PSMC2: variants seen among roughly 807,000 people sequenced by gnomAD.
PSMC2 encodes the protein proteasome 26S subunit, ATPase 2, also known as 26S proteasome regulatory subunit 7.
In PSMC2, 7 loss-of-function variants were observed where a neutral mutation model predicts 53.3. The ratio of observed to expected loss-of-function variants is 0.13; its 90% CI spans 0.07 to 0.25. The LOEUF is 0.25. Ranked by LOEUF, PSMC2 falls within the 10% of genes least tolerant of loss-of-function variation. PSMC2 has a pLI of 1.00. For missense variants in PSMC2, 241 were observed against 544.0 expected (o/e 0.44, Z 5.54); for synonymous variants, 169 against 183.9 (o/e 0.92, Z 0.66).
intron 4 of PSMC2, among the ~76,000 whole-genome samples, chr7:103,361,094 C>A (rs1248591520): frequency 2.0e-5 from 3 of 150,818 alleles, no homozygotes; most frequent in Admixed American, 6.6e-5. Flanking sequence ...AGTCTGGGCT[C>A]CAGAGCAAGA....
Position 103,362,776 on chromosome 7 carries a change from G to A in PSMC2, c.495+18G>A. On this transcript the variant is annotated intron_variant, in intron 6 of 11. Coordinates refer to ENST00000292644, the MANE Select transcript of PSMC2 (RefSeq NM_002803.4). ...TGATGCAGGTAAGAAACTATGGGAG[G>A]GAAAAGGAAGGCTATGTCTTTTTTT... 6.7e-7 allele frequency: 1 copy of A among 1,499,902 alleles called. No homozygotes were observed. The allele number at this position is 1,499,902 out of a possible 1,614,324, so 92.9% of individuals were successfully genotyped here. A position where few individuals can be genotyped will look rare whatever the true frequency, so the allele number is the denominator to read the frequency against.
intron 1 of PSMC2, chr7:103,352,893 C>A (rs763650961): frequency 1.3e-6 from 1 of 780,920 alleles, no homozygotes; most frequent in Non-Finnish European, 2.4e-6. Context: ...ATTTCCCCTA[C>A]GGTCTCCATC....
At chr7:103,354,210 T>C (rs181774490) in intron 2 of PSMC2, among the ~76,000 whole-genome samples, 1 of 152,340 alleles carries the variant, frequency 6.6e-6, no homozygotes, top group Non-Finnish European at 1.5e-5. Flanking sequence ...TTATGTATTA[T>C]TTTAATACTA....
intron 1 of PSMC2, among the ~76,000 whole-genome samples, chr7:103,352,255 G>A (rs1266914256): frequency 9.7e-6 from 1 of 103,162 alleles, no homozygotes; most frequent in Non-Finnish European, 2.0e-5. Flanking sequence ...AAGACCTGCC[G>A]TTTTTTTCCT....
At position 103,364,958 on chromosome 7, in the gene PSMC2, CATATATAT is replaced by C. The variant is rs59914167; in HGVS notation, c.756+670_756+677del. The stretch of plus-strand genomic sequence containing the variant: ...GGTTGTTTTTATGTTTGTAGACATA[CATATATAT>C]ATATATATATATATATATTTAGAGA... On this transcript the variant is annotated intron_variant, in intron 8 of 11. Coordinates refer to ENST00000292644, the MANE Select transcript of PSMC2 (RefSeq NM_002803.4). 9.1e-3 allele frequency among the ~76,000 whole-genome samples: 1,140 copies of C among 125,494 alleles called. 26 individuals carry two copies. Among genetic ancestry groups the C allele is most frequent in the African/African-American group, 0.031 (1,053 of 34,184 alleles). The allele number at this position is 125,494 out of a possible 152,430, so 82.3% of individuals were successfully genotyped here.
At chr7:103,356,321 T>C (rs1411371293) in intron 4 of PSMC2, among the ~76,000 whole-genome samples, 1 of 152,262 alleles carries the variant, frequency 6.6e-6, no homozygotes, top group East Asian at 1.9e-4. Flanking sequence ...TAGTGAATAT[T>C]CGTGTTAAAT....
At chr7:103,352,908 G>C in intron 1 of PSMC2, 1 of 780,770 alleles carries the variant, frequency 1.3e-6, no homozygotes, top group Non-Finnish European at 2.4e-6. Context: ...TCCATCTTCT[G>C]GTCATCTCTG....
In PSMC2 at chr7:103,348,582, G is replaced by A. The variant is rs113135574; in HGVS notation, c.70+801G>A. 5.9e-3 allele frequency: 5,353 copies of A among 910,096 alleles called. 18 individuals are homozygous for A. Among genetic ancestry groups the A allele is most frequent in the Non-Finnish European group, 7.2e-3 (3,904 of 545,024 alleles). 56.4% of individuals were successfully genotyped at this position (910,096 alleles called of 1,614,324 possible). ...TAAAACAATGAGTACCTTTTACCTC[G>A]TTGCACTCTGAGACCAAGATGGGTC... On this transcript the variant is annotated intron_variant, in intron 1 of 11. Transcript: ENST00000292644.
At position 103,364,981 on chromosome 7, in the gene PSMC2, A is replaced by ATATT. The variant is rs1554575488; in HGVS notation, c.756+677_756+680dup. Among the ~76,000 whole-genome samples, 6 of 140,744 alleles carry ATATT rather than the reference A, an allele frequency of 4.3e-5. 1 individual carries two copies. Among genetic ancestry groups the ATATT allele is most frequent in the Admixed American group, 2.8e-4 (4 of 14,182 alleles). 92.3% of individuals were successfully genotyped at this position (140,744 alleles called of 152,430 possible). A position where few individuals can be genotyped will look rare whatever the true frequency, so the allele number is the denominator to read the frequency against. On this transcript the variant is annotated intron_variant, in intron 8 of 11. Transcript: ENST00000292644. The stretch of plus-strand genomic sequence containing the variant: ...TACATATATATATATATATATATAT[A>ATATT]TATTTAGAGAATAAGTCTAGGGCTA...
intron 4 of PSMC2, among the ~76,000 whole-genome samples, chr7:103,356,973 A>G (rs1331291929): frequency 6.6e-6 from 1 of 151,924 alleles, no homozygotes; most frequent in Non-Finnish European, 1.5e-5. Context: ...CACAATTTCC[A>G]TCTTTTCTCA....
chr7:103,355,094 T>A, intron 3 of PSMC2, 145 bp downstream of exon 3: 1 of 650,020 alleles, frequency 1.5e-6, no homozygotes, highest in Non-Finnish European at 2.7e-6. Context: ...TTAGATCTCA[T>A]TTAACCATAT....
intron 1 of PSMC2, among the ~76,000 whole-genome samples, chr7:103,352,226 A>AAAAG (rs1819764503): frequency 7.6e-5 from 11 of 145,462 alleles, no homozygotes; most frequent in Admixed American, 5.4e-4. Context: ...AAAAAAAAAA[A>AAAAG]AAAAAAAAAA....
rs1202378955 is a variant in PSMC2 at position 103,367,006 on chromosome 7, T to C, written c.845-407T>C. ...TTTTAGTAGAGACGTGGTTTCACCA[T>C]GTTGGCCAGGCTGGTCTCGAACTCC... is the stretch of plus-strand genomic sequence containing the variant. On this transcript the variant is annotated intron_variant, in intron 9 of 11. Transcript: ENST00000292644. This position sits in a 1 kb window ranked among gnomAD's most constrained non-coding sequence, Gnocchi z 6.1. Among the ~76,000 whole-genome samples, 2 of 152,180 alleles carry C rather than the reference T, an allele frequency of 1.3e-5. No homozygotes were observed. Among genetic ancestry groups the C allele is most frequent in the Admixed American group, 1.3e-4 (2 of 15,280 alleles).
At chr7:103,362,216 A>C in intron 5 of PSMC2, 128 bp downstream of exon 5, 1 of 1,481,246 alleles carries the variant, frequency 6.8e-7, no homozygotes, top group Admixed American at 2.9e-5. Flanking sequence ...CTAGTAATGT[A>C]CTATAGTTGA....
intron 3 of PSMC2, 88 bp downstream of exon 3, chr7:103,355,037 G>T: frequency 1.2e-6 from 1 of 838,074 alleles, no homozygotes. Flanking sequence ...ACTCCTTCAT[G>T]ATTACAGATT....
At chr7:103,366,633 C>A (rs1820732446) in intron 9 of PSMC2, among the ~76,000 whole-genome samples, 1 of 152,176 alleles carries the variant, frequency 6.6e-6, no homozygotes, top group Non-Finnish European at 1.5e-5. Context: ...TTCATTCATA[C>A]AACACCTATT....
At chr7:103,348,014 G>A (rs564050187) in intron 1 of PSMC2, among the ~76,000 whole-genome samples, 1 of 152,092 alleles carries the variant, frequency 6.6e-6, no homozygotes, top group Non-Finnish European at 1.5e-5. Context: ...CTCAGCTCTC[G>A]GGTCTTGAAG....
rs540899557 is a variant in PSMC2, at chr7:103,369,192, TCCAA to T, written c.*1144_*1147del. The T allele has an allele frequency of 2.8e-3, 421 of 152,324 alleles. 1 individual carries two copies. Among genetic ancestry groups the T allele is most frequent in the African/African-American group, 9.6e-3 (399 of 41,582 alleles). The allele number at this position is 152,324 out of a possible 1,614,324, so 9.4% of individuals were successfully genotyped here. A position where few individuals can be genotyped will look rare whatever the true frequency, so the allele number is the denominator to read the frequency against. ...AAAGAAATTAAAGCCTTTTATAAAA[TCCAA>T]CCAACATTCTTGATTTTTCATTTTT... On this transcript the variant is annotated 3_prime_UTR_variant, in exon 12 of 12. Transcript: ENST00000292644.
intron 6 of PSMC2, 36 bp downstream of exon 6, chr7:103,362,794 C>CTTTTT (rs368268286): frequency 3.7e-5 from 31 of 840,002 alleles, no homozygotes; most frequent in African/African-American, 2.4e-4. Flanking sequence ...AAGGCTATGT[C>CTTTTT]TTTTTTTTTT....
Sources: allele counts gnomAD v4.1 joint callset (sites outside exome capture counted in the v4.1 genomes callset), GRCh38; gene constraint gnomAD v4.1.1; non-coding constraint Gnocchi (gnomAD v3.1); transcripts MANE v1.5; gene names NCBI Gene and HGNC (gene_info 2026-07-23, HGNC 2026-07-21).